MAGI2: variants seen among roughly 807,000 people sequenced by gnomAD.
MAGI2 encodes membrane associated guanylate kinase, WW and PDZ domain containing 2.
Under a neutral mutation model 133.3 loss-of-function variants are expected in MAGI2, and 35 were observed. That is an observed-to-expected ratio of 0.26 (90% CI 0.20 to 0.35). The LOEUF is 0.35. MAGI2 is among the 10% of genes least tolerant of loss of function. MAGI2 has a pLI of 1.00. For missense variants in MAGI2, 1,636 were observed against 1,863.4 expected (o/e 0.88, Z 2.25); for synonymous variants, 729 against 710.6 (o/e 1.03, Z -0.41).
chr7:78,547,581 G>A (rs1381680648), intron 3 of MAGI2, among the ~76,000 whole-genome samples: 1 of 152,202 alleles, frequency 6.6e-6, no homozygotes, highest in African/African-American at 2.4e-5. Context: ...GATGGCTGGA[G>A]CCTATCCCAC....
chr7:78,675,618 A>G (rs190206701), intron 2 of MAGI2, among the ~76,000 whole-genome samples: 9 of 152,246 alleles, frequency 5.9e-5, no homozygotes, highest in African/African-American at 1.7e-4. Context: ...ACAGATTTAC[A>G]TAAGACATTG....
chr7:78,833,968 A>C (rs2151448246), intron 2 of MAGI2, among the ~76,000 whole-genome samples: 1 of 152,304 alleles, frequency 6.6e-6, no homozygotes. Context: ...TCATTTTACT[A>C]ACGTGAAAGT....
chr7:78,887,065 G>A lies in MAGI2; in HGVS notation c.418+120025C>T, dbSNP rs144136670. On this transcript the variant is annotated intron_variant, in intron 2 of 21. Transcript: ENST00000354212. ...CTTCAGCCATAATTGTAAGTTTCGT[G>A]AGGCCTCCCCAGCCCCATGGAACTA... Among the ~76,000 whole-genome samples, 403 of 152,212 alleles carry A rather than the reference G, an allele frequency of 2.6e-3. 1 individual carries two copies. Among genetic ancestry groups the A allele is most frequent in the Middle Eastern group, 0.01 (3 of 294 alleles).
At chr7:78,084,712 C>A (rs1816427505) in intron 20 of MAGI2, among the ~76,000 whole-genome samples, 1 of 152,064 alleles carries the variant, frequency 6.6e-6, no homozygotes, top group Non-Finnish European at 1.5e-5. Flanking sequence ...TAATGAAGTT[C>A]CAGGAAAAGG....
intron 1 of MAGI2, among the ~76,000 whole-genome samples, chr7:79,304,928 G>T (rs1837667906): frequency 6.6e-6 from 1 of 152,192 alleles, no homozygotes; most frequent in African/African-American, 2.4e-5. Flanking sequence ...TGCTTATGTG[G>T]CTGGGTAACG....
At chr7:79,177,853 A>C (rs1826244571) in intron 1 of MAGI2, among the ~76,000 whole-genome samples, 1 of 152,078 alleles carries the variant, frequency 6.6e-6, no homozygotes, top group African/African-American at 2.4e-5. Flanking sequence ...TTAAGGCATA[A>C]GAAAGGTCAG....
At chr7:78,675,401 G>C (rs1290273600) in intron 2 of MAGI2, among the ~76,000 whole-genome samples, 1 of 152,016 alleles carries the variant, frequency 6.6e-6, no homozygotes, top group East Asian at 1.9e-4. Context: ...AGGAGGAAAG[G>C]AAGGAGGGAG....
intron 3 of MAGI2, among the ~76,000 whole-genome samples, chr7:78,561,028 A>T (rs1800346948): frequency 6.6e-6 from 1 of 152,208 alleles, no homozygotes; most frequent in Non-Finnish European, 1.5e-5. Flanking sequence ...AGAAAAATAG[A>T]GGAGCAATGT....
At chr7:78,468,392 T>C (rs1790857572) in intron 6 of MAGI2, among the ~76,000 whole-genome samples, 1 of 152,102 alleles carries the variant, frequency 6.6e-6, no homozygotes, top group Non-Finnish European at 1.5e-5. Flanking sequence ...TGGTAGGGCA[T>C]GTGACAACTT....
intron 1 of MAGI2, among the ~76,000 whole-genome samples, chr7:79,270,075 T>C (rs10953821): frequency 0.61 from 93,304 of 151,912 alleles, 29,971 homozygotes; most frequent in Non-Finnish European, 0.7. Flanking sequence ...CACCTGGGCC[T>C]ATGACGCATG....
chr7:78,768,821 T>A (rs1430653339), intron 2 of MAGI2, among the ~76,000 whole-genome samples: 1 of 152,214 alleles, frequency 6.6e-6, no homozygotes, highest in African/African-American at 2.4e-5. Context: ...TGCTCCCCTC[T>A]CTAGTGGATA....
intron 20 of MAGI2, among the ~76,000 whole-genome samples, chr7:78,097,097 A>G (rs1472290079): frequency 6.6e-6 from 1 of 152,230 alleles, no homozygotes; most frequent in African/African-American, 2.4e-5. Flanking sequence ...AGAAATGCAA[A>G]TCAAAACCAC....
intron 2 of MAGI2, among the ~76,000 whole-genome samples, chr7:78,789,127 T>C (rs1412291774): frequency 6.6e-6 from 1 of 152,190 alleles, no homozygotes; most frequent in Non-Finnish European, 1.5e-5. Context: ...TTTTAAAAAA[T>C]ATATTCATTG....
rs117778526 is a variant in MAGI2, at chr7:79,427,912, C to G, written c.301+25108G>C. Among the ~76,000 whole-genome samples, 857 of 152,096 alleles carry G rather than the reference C, an allele frequency of 5.6e-3. 3 individuals carry two copies. The highest frequency in any genetic ancestry group is 8.7e-3 in the Non-Finnish European group (588 of 67,974). On this transcript the variant is annotated intron_variant, in intron 1 of 21. Coordinates refer to ENST00000354212, the MANE Select transcript of MAGI2 (RefSeq NM_012301.4). ...TAGGGCAAATGAAGGGACACATATA[C>G]AGTGCTAACAGATGAAAGGGAAAAA...
chr7:78,242,512 T>A (rs1791266281), intron 10 of MAGI2, among the ~76,000 whole-genome samples: 1 of 152,228 alleles, frequency 6.6e-6, no homozygotes, highest in African/African-American at 2.4e-5. Flanking sequence ...GATTTGTGAC[T>A]TAGTTTGCTC....
intron 1 of MAGI2, among the ~76,000 whole-genome samples, chr7:79,029,230 G>A (rs561548934): frequency 3.9e-5 from 6 of 152,074 alleles, no homozygotes; most frequent in East Asian, 3.9e-4. Context: ...TGCTGACTCC[G>A]AAAAATCTGG....
At chr7:78,581,671 C>G (rs966511803) in intron 3 of MAGI2, among the ~76,000 whole-genome samples, 1 of 152,150 alleles carries the variant, frequency 6.6e-6, no homozygotes, top group South Asian at 2.1e-4. Flanking sequence ...ATTGAAGCCC[C>G]TGTAATAAAA....
At chr7:78,182,466 TTTGGTTC>T (rs1229968859) in intron 13 of MAGI2, among the ~76,000 whole-genome samples, 1 of 152,164 alleles carries the variant, frequency 6.6e-6, no homozygotes, top group Non-Finnish European at 1.5e-5. Flanking sequence ...CCAGTTTCTA[TTTGGTTC>T]TCTCCTCAGC....
chr7:78,275,755 T>C (rs1439568837), intron 9 of MAGI2, among the ~76,000 whole-genome samples: 1 of 152,192 alleles, frequency 6.6e-6, no homozygotes, highest in Non-Finnish European at 1.5e-5. Context: ...TTATTAGTAA[T>C]AGGACTGGAT....
Sources: gnomAD v4.1 joint callset for allele counts (sites outside exome capture counted in the v4.1 genomes callset) on GRCh38, gnomAD v4.1.1 for gene constraint, MANE v1.5 for transcripts, NCBI Gene and HGNC (gene_info 2026-07-23, HGNC 2026-07-21) for gene names.